GRIK2: variants seen among roughly 807,000 people sequenced by gnomAD.
GRIK2 encodes glutamate ionotropic receptor kainate type subunit 2, also known as glutamate receptor ionotropic, kainate 2.
GRIK2 carries 32 observed loss-of-function variants against 100.3 expected under a neutral mutation model. The ratio of observed to expected loss-of-function variants is 0.32; its 90% CI spans 0.24 to 0.43. The LOEUF (loss-of-function observed/expected upper bound fraction) is 0.43. Ranked by LOEUF, GRIK2 falls within the 20% of genes least tolerant of loss-of-function variation. The pLI, the probability that GRIK2 is intolerant of heterozygous loss-of-function variation, is 1.00. For missense variants in GRIK2, 843 were observed against 1,114.9 expected (o/e 0.76, Z 3.47); for synonymous variants, 417 against 389.4 (o/e 1.07, Z -0.83).
chr6:101,826,772 T>C (rs1379983035), intron 10 of GRIK2, among the ~76,000 whole-genome samples: 1 of 151,756 alleles, frequency 6.6e-6, no homozygotes, highest in Non-Finnish European at 1.5e-5. Context: ...AGGAATTTAA[T>C]AGCATACCAT....
chr6:101,468,889 T>C (rs2788279), intron 2 of GRIK2, among the ~76,000 whole-genome samples: 40,224 of 152,012 alleles, frequency 0.26, 5,972 homozygotes, highest in East Asian at 0.37. Context: ...CCTCTCCCAC[T>C]TGTCGTACCA....
At chr6:101,876,184 A>T (rs1018843128) in intron 11 of GRIK2, among the ~76,000 whole-genome samples, 1 of 151,818 alleles carries the variant, frequency 6.6e-6, no homozygotes, top group African/African-American at 2.4e-5. Flanking sequence ...TTAGTTTGAA[A>T]CACGAAATTG....
At chr6:101,646,892 G>A (rs1176713781) in intron 4 of GRIK2, among the ~76,000 whole-genome samples, 2 of 151,890 alleles carry the variant, frequency 1.3e-5, no homozygotes, top group Non-Finnish European at 2.9e-5. Flanking sequence ...TGAGCACAGA[G>A]AAGAGAGACA....
At chr6:101,906,893 C>T (rs1788269889) in intron 12 of GRIK2, among the ~76,000 whole-genome samples, 1 of 151,706 alleles carries the variant, frequency 6.6e-6, no homozygotes, top group Non-Finnish European at 1.5e-5. Context: ...TGCTATTTTT[C>T]CTCATATGTT....
At chr6:101,891,282 G>A (rs1455839686) in intron 12 of GRIK2, among the ~76,000 whole-genome samples, 2 of 151,830 alleles carry the variant, frequency 1.3e-5, no homozygotes, top group Non-Finnish European at 2.9e-5. Flanking sequence ...ACTTTGGGAG[G>A]CCAAGGCGGG....
chr6:101,513,018 T>A (rs945696795), intron 2 of GRIK2, among the ~76,000 whole-genome samples: 1 of 152,060 alleles, frequency 6.6e-6, no homozygotes, highest in Non-Finnish European at 1.5e-5. Flanking sequence ...ATTTTATTTT[T>A]ATTTTAATAT....
chr6:101,865,046 C>T (rs1360132404), intron 11 of GRIK2, among the ~76,000 whole-genome samples: 1 of 152,064 alleles, frequency 6.6e-6, no homozygotes, highest in African/African-American at 2.4e-5. Context: ...TAAATGCTTA[C>T]TTTTTAAATT....
intron 11 of GRIK2, among the ~76,000 whole-genome samples, chr6:101,889,033 C>T (rs907780542): frequency 1.3e-5 from 2 of 151,906 alleles, no homozygotes; most frequent in Non-Finnish European, 2.9e-5. Context: ...GGCAAGGCTG[C>T]AAGGATTTTC....
intron 3 of GRIK2, among the ~76,000 whole-genome samples, chr6:101,625,793 A>C (rs567183774): frequency 6.6e-6 from 1 of 152,326 alleles, no homozygotes; most frequent in African/African-American, 2.4e-5. Context: ...ATGACTGAGT[A>C]CTTGTCTAAT....
chr6:101,904,574 A>G (rs1182036326), intron 12 of GRIK2, among the ~76,000 whole-genome samples: 1 of 151,520 alleles, frequency 6.6e-6, no homozygotes, highest in African/African-American at 2.4e-5. Flanking sequence ...TTAATCAAAA[A>G]GATAATCATT....
At chr6:101,540,357 CA>C (rs991960922) in intron 2 of GRIK2, among the ~76,000 whole-genome samples, 1 of 151,672 alleles carries the variant, frequency 6.6e-6, no homozygotes, top group African/African-American at 2.4e-5. Flanking sequence ...TGCCCATAGT[CA>C]ATGATAATTT....
intron 2 of GRIK2, among the ~76,000 whole-genome samples, chr6:101,404,350 A>T (rs1562113654): frequency 6.6e-6 from 1 of 152,238 alleles, no homozygotes; most frequent in Non-Finnish European, 1.5e-5. Context: ...ACCATTACAT[A>T]AAGTGTTGTC....
At chr6:101,843,882 G>A (rs1451601452) in intron 10 of GRIK2, among the ~76,000 whole-genome samples, 1 of 152,122 alleles carries the variant, frequency 6.6e-6, no homozygotes, top group African/African-American at 2.4e-5. Flanking sequence ...CTATTTCCTT[G>A]TGACTTGGCA....
At chr6:101,528,069 C>T (rs758183354) in intron 2 of GRIK2, among the ~76,000 whole-genome samples, 1 of 152,052 alleles carries the variant, frequency 6.6e-6, no homozygotes, top group African/African-American at 2.4e-5. Context: ...CCTACTTTAA[C>T]TCAATTTCTT....
intron 14 of GRIK2, among the ~76,000 whole-genome samples, chr6:102,034,717 A>T (rs1280359739): frequency 6.6e-6 from 1 of 151,376 alleles, no homozygotes; most frequent in Non-Finnish European, 1.5e-5. Flanking sequence ...TAGATTTCTG[A>T]AGTCCAGCTT....
chr6:101,414,457 G>A (rs1179618246), intron 2 of GRIK2, among the ~76,000 whole-genome samples: 1 of 152,090 alleles, frequency 6.6e-6, no homozygotes, highest in Non-Finnish European at 1.5e-5. Context: ...TATTTGTCAG[G>A]ATGTAGATTC....
At chr6:102,048,966 T>C (rs1309119811) in intron 15 of GRIK2, among the ~76,000 whole-genome samples, 9 of 152,028 alleles carry the variant, frequency 5.9e-5, no homozygotes, top group Admixed American at 4.6e-4. Context: ...TTTAACAAAA[T>C]GTATGAAGGA....
At chr6:101,740,181 G>T (rs1257249238) in intron 7 of GRIK2, among the ~76,000 whole-genome samples, 1 of 152,196 alleles carries the variant, frequency 6.6e-6, no homozygotes, top group Non-Finnish European at 1.5e-5. Context: ...GCTGTATAGT[G>T]TGGGACACTG....
At chr6:101,782,711 G>A (rs1779172844) in intron 7 of GRIK2, among the ~76,000 whole-genome samples, 1 of 151,914 alleles carries the variant, frequency 6.6e-6, no homozygotes, top group African/African-American at 2.4e-5. Flanking sequence ...CCTTTCCTTT[G>A]GATACATACC....
Sources: gnomAD v4.1 joint callset for allele counts (sites outside exome capture counted in the v4.1 genomes callset) on GRCh38, gnomAD v4.1.1 for gene constraint, MANE v1.5 for transcripts, NCBI Gene and HGNC (gene_info 2026-07-23, HGNC 2026-07-21) for gene names.